RBFOX1: variants seen among roughly 807,000 people sequenced by gnomAD.
RBFOX1 encodes RNA binding protein fox-1 homolog 1.
RBFOX1 carries 8 observed loss-of-function variants against 57.7 expected under a neutral mutation model. That is an observed-to-expected ratio of 0.14 (90% CI 0.08 to 0.25). The LOEUF (loss-of-function observed/expected upper bound fraction) is 0.25, where lower values mean the gene tolerates loss of function less well. Ranked by LOEUF, RBFOX1 falls within the 10% of genes least tolerant of loss-of-function variation. RBFOX1 has a pLI of 1.00. For synonymous variants in RBFOX1, 326 were observed against 222.4 expected, an observed-to-expected ratio of 1.47 and a Z score of -4.15; for missense variants, 611 against 548.5, an observed-to-expected ratio of 1.11 and a Z score of -1.14.
At chr16:5,837,962 C>G (rs375881712) in intron 3 of RBFOX1, among the ~76,000 whole-genome samples, 1 of 152,172 alleles carries the variant, frequency 6.6e-6, no homozygotes, top group African/African-American at 2.4e-5. Context: ...AGAGGCAACA[C>G]AGGTACAGCA....
intron 4 of RBFOX1, among the ~76,000 whole-genome samples, chr16:7,345,085 C>A (rs4357954): frequency 6.6e-6 from 1 of 152,040 alleles, no homozygotes; most frequent in South Asian, 2.1e-4. Context: ...GCTCTATTTT[C>A]AAGACCTTTA....
chr16:6,683,200 TAAA>T (rs2058931058), intron 3 of RBFOX1, among the ~76,000 whole-genome samples: 1 of 151,866 alleles, frequency 6.6e-6, no homozygotes, highest in Non-Finnish European at 1.5e-5. Context: ...CATAAAAAAA[TAAA>T]AAGGGTGAGA....
At chr16:7,491,672 C>G (rs2067023308) in intron 4 of RBFOX1, among the ~76,000 whole-genome samples, 1 of 151,982 alleles carries the variant, frequency 6.6e-6, no homozygotes. Context: ...GCTCTGTCAC[C>G]CAGGCTGGAG....
intron 2 of RBFOX1, among the ~76,000 whole-genome samples, chr16:6,357,035 C>A (rs986199031): frequency 1.3e-5 from 2 of 152,118 alleles, no homozygotes; most frequent in African/African-American, 2.4e-5. Context: ...TTCTGCTGTC[C>A]TGCACCCGGG....
intron 3 of RBFOX1, among the ~76,000 whole-genome samples, chr16:6,756,269 G>A (rs115899098): frequency 1.5e-4 from 23 of 152,186 alleles, no homozygotes; most frequent in East Asian, 1.2e-3. Flanking sequence ...ATGGATATCC[G>A]TATGTAGAAG....
chr16:6,443,761 A>G (rs2094433131), intron 2 of RBFOX1, among the ~76,000 whole-genome samples: 1 of 152,060 alleles, frequency 6.6e-6, no homozygotes, highest in Non-Finnish European at 1.5e-5. Flanking sequence ...CCATCTACCC[A>G]TCTACCCATC....
intron 3 of RBFOX1, among the ~76,000 whole-genome samples, chr16:6,922,757 C>T (rs183205072): frequency 5.3e-5 from 8 of 152,238 alleles, no homozygotes; most frequent in Admixed American, 5.2e-4. Flanking sequence ...CCAGTAATTT[C>T]CTTATTGTAT....
At chr16:6,821,123 G>A (rs2091221419) in intron 3 of RBFOX1, among the ~76,000 whole-genome samples, 1 of 152,134 alleles carries the variant, frequency 6.6e-6, no homozygotes, top group Non-Finnish European at 1.5e-5. Flanking sequence ...AAAAACAATA[G>A]TGATGAGATT....
chr16:7,585,747 A>G (rs1338791496), intron 6 of RBFOX1, among the ~76,000 whole-genome samples: 2 of 152,288 alleles, frequency 1.3e-5, no homozygotes, highest in South Asian at 2.1e-4. Flanking sequence ...TGTCCATTCC[A>G]GAGGATAGCT....
Position 6,718,209 on chromosome 16 carries a change from T to G in RBFOX1, c.-16+63559T>G, listed in dbSNP as rs77110942. ...AGTAGAAACTCACAACATGAAATAA[T>G]AACAGCAATTAATGTTTATATATTG... On this transcript the variant is annotated intron_variant, in intron 3 of 15. Transcript: ENST00000550418. Among the ~76,000 whole-genome samples the G allele has an allele frequency of 3.3e-3, 502 of 152,316 alleles. 12 individuals carry two copies. In the South Asian group the frequency reaches 0.05, roughly 15 times the overall value.
intron 1 of RBFOX1, among the ~76,000 whole-genome samples, chr16:5,449,645 G>A (rs931854240): frequency 6.6e-6 from 1 of 151,990 alleles, no homozygotes; most frequent in African/African-American, 2.4e-5. Context: ...GGTTTCTCTC[G>A]GTTGCCCAGG....
chr16:6,464,517 G>A (rs529999887), intron 2 of RBFOX1, among the ~76,000 whole-genome samples: 1 of 152,316 alleles, frequency 6.6e-6, no homozygotes, highest in Admixed American at 6.5e-5. Context: ...GTAGTGAGCT[G>A]ATTATAAAAT....
intron 1 of RBFOX1, among the ~76,000 whole-genome samples, chr16:6,128,987 A>C (rs188402304): frequency 6.6e-6 from 1 of 152,230 alleles, no homozygotes; most frequent in Non-Finnish European, 1.5e-5. Context: ...AACCTAGCAC[A>C]ACAGGATCAA....
At chr16:7,054,554 A>AT (rs1221110362) in intron 4 of RBFOX1, among the ~76,000 whole-genome samples, 2 of 104,718 alleles carry the variant, frequency 1.9e-5, no homozygotes, top group East Asian at 3.6e-4. Flanking sequence ...GTGGGGGGGC[A>AT]TTTTTTAAGG....
intron 4 of RBFOX1, among the ~76,000 whole-genome samples, chr16:5,957,133 T>G (rs1370065253): frequency 6.6e-6 from 1 of 152,250 alleles, no homozygotes; most frequent in Non-Finnish European, 1.5e-5. Context: ...AGCACACTGT[T>G]GGACCAAATG....
intron 4 of RBFOX1, among the ~76,000 whole-genome samples, chr16:7,213,714 G>T (rs887957816): frequency 1.3e-5 from 2 of 152,122 alleles, no homozygotes; most frequent in African/African-American, 4.8e-5. Context: ...AGGGACCGAG[G>T]TTCCAGAAGG....
chr16:5,611,789 T>TCCCCCCCCCCCCCCCCCCCCC (rs2047816895), intron 3 of RBFOX1, among the ~76,000 whole-genome samples: 1 of 106,384 alleles, frequency 9.4e-6, no homozygotes, highest in Non-Finnish European at 1.9e-5. Flanking sequence ...CATCCATCCA[T>TCCCCCCCCCCCCCCCCCCCCC]CCATCCACCC....
chr16:5,674,096 G>A (rs1265758503), intron 3 of RBFOX1, among the ~76,000 whole-genome samples: 1 of 152,180 alleles, frequency 6.6e-6, no homozygotes, highest in Non-Finnish European at 1.5e-5. Context: ...TGTTCTAGGA[G>A]GTGATTCTAC....
rs1467176151 is a variant in RBFOX1 at position 6,761,617 on chromosome 16, C to G, written c.-16+106967C>G. On this transcript the variant is annotated intron_variant, in intron 3 of 15. Coordinates refer to ENST00000550418, the MANE Select transcript of RBFOX1 (RefSeq NM_018723.4). ...CTGCCTCCCAGATTCAAGCAGTTCT[C>G]TGCCTCAGCCTCCCAAGTGGCTGGG... Among the ~76,000 whole-genome samples, 3 of 143,312 alleles carry G rather than the reference C, an allele frequency of 2.1e-5. No homozygotes were observed. The Admixed American group carries it at 2.3e-4, about 11-fold the overall frequency. The allele number at this position is 143,312 out of a possible 152,430, so 94.0% of individuals were successfully genotyped here. A position where few individuals can be genotyped will look rare whatever the true frequency, so the allele number is the denominator to read the frequency against.
Sources: gnomAD v4.1 joint callset for allele counts (sites outside exome capture counted in the v4.1 genomes callset) on GRCh38, gnomAD v4.1.1 for gene constraint, MANE v1.5 for transcripts, NCBI Gene and HGNC (gene_info 2026-07-23, HGNC 2026-07-21) for gene names.